The following CSMD3 variants were observed in gnomAD, a reference collection of about 807,000 sequenced individuals.
CSMD3 encodes the protein CUB and Sushi multiple domains 3.
Under a neutral mutation model 435.2 loss-of-function variants are expected in CSMD3, and 177 were observed. The observed-to-expected ratio is 0.41, with a 90% confidence interval of 0.36 to 0.46. CSMD3 has a LOEUF of 0.46. CSMD3 is among the 20% of genes least tolerant of loss of function. The pLI is 0.34. For synonymous variants in CSMD3, 1,656 were observed against 1,520.5 expected (o/e 1.09, Z -2.07); for missense variants, 4,265 against 4,504.6 (o/e 0.95, Z 1.52).
chr8:112,348,564 G>A (rs1380534952), intron 40 of CSMD3, among the ~76,000 whole-genome samples: 1 of 151,626 alleles, frequency 6.6e-6, no homozygotes, highest in East Asian at 1.9e-4. Flanking sequence ...CCAGCTTATT[G>A]TTCAAAATTT....
intron 22 of CSMD3, among the ~76,000 whole-genome samples, chr8:112,613,335 T>C (rs1161635877): frequency 6.6e-6 from 1 of 152,192 alleles, no homozygotes; most frequent in Non-Finnish European, 1.5e-5. Context: ...AAAAGTGCTC[T>C]ATAAAGCATA....
chr8:112,664,154 G>A (rs57950571), intron 17 of CSMD3, among the ~76,000 whole-genome samples: 3,617 of 152,020 alleles, frequency 0.024, 158 homozygotes, highest in African/African-American at 0.082. Flanking sequence ...CAAGAAATAC[G>A]AAAATTATGT....
intron 39 of CSMD3, among the ~76,000 whole-genome samples, chr8:112,351,803 A>C (rs1001064134): frequency 6.6e-6 from 1 of 151,974 alleles, no homozygotes; most frequent in Admixed American, 6.6e-5. Context: ...TATTTATCTA[A>C]TATGTGAAAC....
At chr8:112,652,628 C>T (rs1188351471) in intron 18 of CSMD3, among the ~76,000 whole-genome samples, 1 of 151,860 alleles carries the variant, frequency 6.6e-6, no homozygotes, top group African/African-American at 2.4e-5. Context: ...ATCTAGGAGT[C>T]ACAAAATAAG....
chr8:112,926,231 T>A (rs1234055459), intron 9 of CSMD3, among the ~76,000 whole-genome samples: 5 of 114,652 alleles, frequency 4.4e-5, no homozygotes, highest in South Asian at 3.4e-4. Flanking sequence ...AAACTTACAC[T>A]CATTAAATAT....
chr8:112,648,769 T>G (rs2075048871), intron 19 of CSMD3, among the ~76,000 whole-genome samples: 1 of 152,160 alleles, frequency 6.6e-6, no homozygotes, highest in African/African-American at 2.4e-5. Flanking sequence ...CTTTCTTTCG[T>G]GGTGAATGCT....
At chr8:112,418,144 A>G (rs556971988) in intron 32 of CSMD3, among the ~76,000 whole-genome samples, 5 of 152,272 alleles carry the variant, frequency 3.3e-5, no homozygotes, top group African/African-American at 1.2e-4. Context: ...CAAATCAAAG[A>G]TGGGTAGAGT....
intron 6 of CSMD3, among the ~76,000 whole-genome samples, chr8:112,988,820 A>G (rs2085346001): frequency 6.6e-6 from 1 of 152,062 alleles, no homozygotes; most frequent in Non-Finnish European, 1.5e-5. Flanking sequence ...ACTGTCCCTA[A>G]TAATCATAGC....
intron 32 of CSMD3, among the ~76,000 whole-genome samples, chr8:112,413,954 T>A (rs776223204): frequency 6.6e-6 from 1 of 151,968 alleles, no homozygotes; most frequent in Non-Finnish European, 1.5e-5. Context: ...ACCTCCACCA[T>A]CCCCCAGGTG....
At chr8:112,260,377 T>C (rs1266272798) in intron 61 of CSMD3, among the ~76,000 whole-genome samples, 1 of 152,186 alleles carries the variant, frequency 6.6e-6, no homozygotes, top group East Asian at 1.9e-4. Context: ...TGAGTTTAAG[T>C]GTCATTGTCT....
intron 13 of CSMD3, among the ~76,000 whole-genome samples, chr8:112,766,302 A>AT (rs771435461): frequency 0.028 from 4,072 of 147,208 alleles, 76 homozygotes; most frequent in East Asian, 0.075. Flanking sequence ...CTTGGAATAT[A>AT]TTTTTTTTTT....
At chr8:113,185,880 C>T (rs989009185) in intron 3 of CSMD3, among the ~76,000 whole-genome samples, 9 of 152,042 alleles carry the variant, frequency 5.9e-5, no homozygotes, top group African/African-American at 1.9e-4. Flanking sequence ...CCATTCGTAT[C>T]TTCCCAGGGA....
chr8:113,169,553 T>C (rs1490148119), intron 4 of CSMD3, among the ~76,000 whole-genome samples: 1 of 152,182 alleles, frequency 6.6e-6, no homozygotes, highest in Non-Finnish European at 1.5e-5. Flanking sequence ...TTTTCTTTGG[T>C]TAATCTAAAA....
intron 3 of CSMD3, among the ~76,000 whole-genome samples, chr8:113,209,414 T>C (rs2092806635): frequency 6.6e-6 from 1 of 152,160 alleles, no homozygotes; most frequent in South Asian, 2.1e-4. Flanking sequence ...ATTCATCTAT[T>C]GTAAGTTCCA....
At chr8:112,400,355 C>T (rs994675901) in intron 35 of CSMD3, among the ~76,000 whole-genome samples, 2 of 152,092 alleles carry the variant, frequency 1.3e-5, no homozygotes, top group African/African-American at 4.8e-5. Context: ...CTCCTAATGG[C>T]CCCACCTCCC....
At chr8:113,011,052 A>T (rs1181306168) in intron 6 of CSMD3, among the ~76,000 whole-genome samples, 1 of 151,708 alleles carries the variant, frequency 6.6e-6, no homozygotes, top group African/African-American at 2.4e-5. Flanking sequence ...TGTTTCTACA[A>T]CTACTCTTTT....
chr8:112,510,967 G>A (rs1029924739), intron 28 of CSMD3, among the ~76,000 whole-genome samples: 1 of 152,094 alleles, frequency 6.6e-6, no homozygotes, highest in Admixed American at 6.5e-5. Flanking sequence ...AATAAAAATA[G>A]CAACATATTT....
intron 22 of CSMD3, among the ~76,000 whole-genome samples, chr8:112,604,887 C>A (rs1832671347): frequency 6.6e-6 from 1 of 152,230 alleles, no homozygotes; most frequent in East Asian, 1.9e-4. Flanking sequence ...AACCATGAAT[C>A]TGACAAAGGT....
At chr8:112,556,412 T>G in intron 25 of CSMD3, among the ~76,000 whole-genome samples, 1 of 151,974 alleles carries the variant, frequency 6.6e-6, no homozygotes, top group East Asian at 1.9e-4. Context: ...AATAATTTTG[T>G]AAATTAAAAA....
Sources: allele counts gnomAD v4.1 joint callset (sites outside exome capture counted in the v4.1 genomes callset), GRCh38; gene constraint gnomAD v4.1.1; transcripts MANE v1.5; gene names NCBI Gene and HGNC (gene_info 2026-07-23, HGNC 2026-07-21).